NLRP2: variants seen among roughly 807,000 people sequenced by gnomAD.
NLRP2 encodes the protein NLR family pyrin domain containing 2.
Under a neutral mutation model 97.2 loss-of-function variants are expected in NLRP2, and 107 were observed. The observed-to-expected ratio is 1.10, with a 90% confidence interval of 0.94 to 1.29. NLRP2 has a LOEUF of 1.29. Ranked by LOEUF, NLRP2 falls within the 50% of genes most tolerant of loss-of-function variation. NLRP2 has a pLI of 0.00. For missense variants in NLRP2, 1,495 were observed against 1,330.3 expected (o/e 1.12, Z -1.93); for synonymous variants, 663 against 551.5 (o/e 1.20, Z -2.83).
rs542783654 is a variant in NLRP2 at position 54,995,280 on chromosome 19, TC to T, written c.2879+843del. 7.3e-5 allele frequency among the ~76,000 whole-genome samples: 10 copies of T among 136,280 alleles called. No homozygotes were observed. The South Asian group carries it at 2.6e-3, about 36-fold the overall frequency. 89.4% of individuals were successfully genotyped at this position (136,280 alleles called of 152,430 possible). A position where few individuals can be genotyped will look rare whatever the true frequency, so the allele number is the denominator to read the frequency against. On this transcript the variant is annotated intron_variant, in intron 11 of 12. Coordinates refer to ENST00000448584, the MANE Select transcript of NLRP2 (RefSeq NM_017852.5). Reference sequence around the variant, plus strand: ...ATCTCAGCTCACTGCAACCTCCACCTCCTGGGTTCAAGTGATTCTCCTGCCT... The same window carrying T: ...ATCTCAGCTCACTGCAACCTCCACCTCTGGGTTCAAGTGATTCTCCTGCCT...
chr19:54,991,603 G>C (rs1391069888), intron 10 of NLRP2: 3 of 151,914 alleles, frequency 2.0e-5, no homozygotes, highest in Non-Finnish European at 2.9e-5. Flanking sequence ...GGCCTGGCAT[G>C]GTGGCTCATG....
intron 8 of NLRP2, chr19:54,989,711 C>A: frequency 2.1e-6 from 1 of 483,152 alleles, no homozygotes. Context: ...CTGCCGGGCG[C>A]GGTGGCTCAC....
In NLRP2 at chr19:54,985,108, A is replaced by G. The variant is rs2071964519; in HGVS notation, c.2092A>G (p.Asn698Asp). The G allele has an allele frequency of 6.2e-7, 1 of 1,614,036 alleles. No homozygotes were observed. The highest frequency in any genetic ancestry group is 1.3e-5 in the African/African-American group (1 of 74,914). The change falls in exon 7 of 13, where the codon AAT becomes GAT. Residue 698 changes from asparagine to aspartate, a missense_variant. Coordinates refer to ENST00000448584, the MANE Select transcript of NLRP2 (RefSeq NM_017852.5). ...GGACCTTTGTTCCATATTTGGATCAAATAAGGATCTGATGGGTCTAGCAAT... is the reference window on the plus strand; with the variant it reads ...GGACCTTTGTTCCATATTTGGATCAGATAAGGATCTGATGGGTCTAGCAAT... ...WTDLCSIFGSNKDLMGLAIND... is the reference protein window; with the variant it reads ...WTDLCSIFGSDKDLMGLAIND...
intron 10 of NLRP2, 68 bp downstream of exon 10, chr19:54,990,740 T>C (rs1263662738): frequency 2.6e-6 from 4 of 1,532,998 alleles, no homozygotes; most frequent in Admixed American, 1.7e-5. Flanking sequence ...CGGGTTTGAG[T>C]AGGGTGGTTA....
intron 11 of NLRP2, among the ~76,000 whole-genome samples, chr19:54,995,426 A>G (rs2072755781): frequency 6.6e-6 from 1 of 151,494 alleles, no homozygotes; most frequent in South Asian, 2.1e-4. Context: ...TCCGGACCTC[A>G]GGTGAGAGCC....
At chr19:54,979,506 AT>A (rs2071441019) in intron 4 of NLRP2, among the ~76,000 whole-genome samples, 1 of 151,272 alleles carries the variant, frequency 6.6e-6, no homozygotes, top group African/African-American at 2.4e-5. Context: ...CATCTGGCTA[AT>A]TTTTGCATTT....
chr19:54,981,065 T>G (rs61354438), intron 4 of NLRP2, among the ~76,000 whole-genome samples: 1 of 152,152 alleles, frequency 6.6e-6, no homozygotes, highest in African/African-American at 2.4e-5. Flanking sequence ...GAGCTGAGAT[T>G]GCGCCACTGC....
intron 6 of NLRP2, 120 bp downstream of exon 6, chr19:54,983,848 C>A: frequency 7.2e-7 from 1 of 1,385,318 alleles, no homozygotes; most frequent in Non-Finnish European, 1.0e-6. Context: ...TCTTGTTGGA[C>A]TCTTTGTTTG....
At chr19:54,993,852 A>C (rs1285512725) in intron 10 of NLRP2, 1 of 297,464 alleles carries the variant, frequency 3.4e-6, no homozygotes, top group Non-Finnish European at 6.5e-6. Context: ...TACTTCTCCA[A>C]CTTCTGTTGG....
intron 2 of NLRP2, among the ~76,000 whole-genome samples, 170 bp downstream of exon 2, chr19:54,970,465 A>C (rs2070774431): frequency 6.6e-6 from 1 of 152,086 alleles, no homozygotes; most frequent in South Asian, 2.1e-4. Flanking sequence ...CAGCCTGACC[A>C]ACATGGTGAT....
At chr19:54,984,666 A>G (rs2071930268) in intron 6 of NLRP2, among the ~76,000 whole-genome samples, 1 of 151,326 alleles carries the variant, frequency 6.6e-6, no homozygotes, top group South Asian at 2.1e-4. Flanking sequence ...TACTTTTAGT[A>G]GAGACGGGGT....
chr19:54,983,147 C>A lies in NLRP2; in HGVS notation c.1449C>A (p.Phe483Leu), dbSNP rs893206785. Residue 483 changes from phenylalanine to leucine, a missense_variant, in exon 6 of 13, where the codon TTC becomes TTA. Coordinates refer to ENST00000448584, the MANE Select transcript of NLRP2 (RefSeq NM_017852.5). ...TGCAGGAGTCCGACCTCCGTCTGTT[C>A]CTGGACGGAGACATCCTCCGCCAGG... ...LGVQESDLRL[F>L]LDGDILRQDR... The A allele has an allele frequency of 6.2e-7, 1 of 1,613,774 alleles. No homozygotes were observed. The highest frequency in any genetic ancestry group is 8.5e-7 in the Non-Finnish European group (1 of 1,179,972).
rs752623275 is a variant in NLRP2 at position 54,970,143 on chromosome 19, C to T, written c.128C>T (p.Pro43Leu). The T allele has an allele frequency of 1.2e-6, 2 of 1,614,042 alleles. No homozygotes were observed. The highest frequency in any genetic ancestry group is 1.7e-6 in the Non-Finnish European group (2 of 1,180,010). The change falls in exon 2 of 13, where the codon CCC becomes CTC. Residue 43 changes from proline (P) to leucine (L), a missense_variant. Pro to Leu is a moderately conservative substitution (Grantham distance 98). Coordinates refer to ENST00000448584, the MANE Select transcript of NLRP2 (RefSeq NM_017852.5). Reference sequence around the variant, plus strand: ...CTGGCACACGAGCTCCAGAAGATCCCCCACAAGGAGGTAGACAAGGCTGAT... The same window carrying T: ...CTGGCACACGAGCTCCAGAAGATCCTCCACAAGGAGGTAGACAAGGCTGAT... Reference protein sequence around the residue: ...FSLAHELQKIPHKEVDKADGK... With the variant: ...FSLAHELQKILHKEVDKADGK...
intron 10 of NLRP2, chr19:54,993,559 T>C (rs1358815787): frequency 6.4e-6 from 1 of 156,296 alleles, no homozygotes; most frequent in Admixed American, 6.1e-5. Flanking sequence ...ACTACCTCTC[T>C]AGCAACTGAA....
At chr19:54,992,572 T>TG in intron 10 of NLRP2, among the ~76,000 whole-genome samples, 1 of 99,858 alleles carries the variant, frequency 1.0e-5, no homozygotes, top group Non-Finnish European at 2.3e-5. Flanking sequence ...TTTTTTTTTT[T>TG]GGTTTTTTTT....
At chr19:54,988,254 A>AG (rs2072227728) in intron 8 of NLRP2, among the ~76,000 whole-genome samples, 1 of 152,056 alleles carries the variant, frequency 6.6e-6, no homozygotes, top group African/African-American at 2.4e-5. Flanking sequence ...ATGCAGGGTG[A>AG]GGGGGAATAT....
Position 54,989,874 on chromosome 19 carries a change from C to A in NLRP2, c.2367-148C>A, listed in dbSNP as rs140343566. 1.0e-3 allele frequency: 819 copies of A among 786,752 alleles called. 15 individuals carry two copies. The East Asian group carries it at 0.017, about 17-fold the overall frequency. The allele number at this position is 786,752 out of a possible 1,614,324, so 48.7% of individuals were successfully genotyped here. A position where few individuals can be genotyped will look rare whatever the true frequency, so the allele number is the denominator to read the frequency against. On this transcript the variant is annotated intron_variant, in intron 8 of 12. Transcript: ENST00000448584. ...TGGTGCATGGTGCATGCCTGCAGTCCCAGCTACTCGGGAGGCTGAGGCAGG... is the reference window on the plus strand; with the variant it reads ...TGGTGCATGGTGCATGCCTGCAGTCACAGCTACTCGGGAGGCTGAGGCAGG...
chr19:54,967,936 T>TTTTTGG (rs2070577612), intron 1 of NLRP2, among the ~76,000 whole-genome samples: 1 of 144,304 alleles, frequency 6.9e-6, no homozygotes. Context: ...TTTTTTTTTT[T>TTTTTGG]GAGACAAAGT....
intron 10 of NLRP2, chr19:54,993,921 G>A (rs77893935): frequency 8.0e-6 from 3 of 372,672 alleles, no homozygotes; most frequent in South Asian, 3.0e-5. Context: ...ATCTTCAAAC[G>A]TTGCCCTGGC....
Sources: gnomAD v4.1 joint callset for allele counts (sites outside exome capture counted in the v4.1 genomes callset) on GRCh38, gnomAD v4.1.1 for gene constraint, MANE v1.5 for transcripts, NCBI Gene and HGNC (gene_info 2026-07-23, HGNC 2026-07-21) for gene names.